The following LAMB1 variants were observed in gnomAD, a reference collection of about 807,000 sequenced individuals.
LAMB1 encodes the protein laminin subunit beta-1.
Under a neutral mutation model 222.3 loss-of-function variants are expected in LAMB1, and 121 were observed. The observed-to-expected ratio is 0.54, with a 90% CI of 0.47 to 0.63. LAMB1 has a LOEUF of 0.63. Ranked by LOEUF, LAMB1 falls within the 30% of genes least tolerant of loss-of-function variation. The probability of loss-of-function intolerance (pLI) is 0.00; values close to 1 mark genes in which losing one functional copy is unlikely to be tolerated. For synonymous variants in LAMB1, 794 were observed against 807.2 expected, an observed-to-expected ratio of 0.98 and a Z score of 0.28; for missense variants, 2,172 against 2,240.8, an observed-to-expected ratio of 0.97 and a Z score of 0.62.
At chr7:107,940,387 T>C in intron 24 of LAMB1, 29 bp from the exon 25 acceptor site, 2 of 1,592,386 alleles carry the variant, frequency 1.3e-6, no homozygotes, top group African/African-American at 1.3e-5. Context: ...TGCTAGCTGA[T>C]CTACTTAATC....
intron 3 of LAMB1, among the ~76,000 whole-genome samples, 155 bp downstream of exon 3, chr7:108,001,403 G>A (rs957780969): frequency 6.6e-6 from 1 of 152,210 alleles, no homozygotes; most frequent in African/African-American, 2.4e-5. Context: ...GAGATGGGGC[G>A]AAAGGTTGAG....
chr7:107,988,467 G>A (rs777107904), intron 5 of LAMB1, among the ~76,000 whole-genome samples: 2 of 152,150 alleles, frequency 1.3e-5, no homozygotes, highest in Non-Finnish European at 2.9e-5. Flanking sequence ...AAAGGAATGG[G>A]TAAGATAAAG....
In LAMB1 at chr7:107,937,263, T is replaced by A. The variant is rs1324519580; in HGVS notation, c.3776A>T (p.Asp1259Val). Residue 1259 changes from aspartate to valine, a missense_variant, in exon 26 of 34, where the codon GAT becomes GTT. Physicochemically the swap from Asp to Val is radical, Grantham distance 152 (BLOSUM62 -3). Coordinates refer to ENST00000222399, the MANE Select transcript of LAMB1 (RefSeq NM_002291.3). ...TACTTGAGCCATCATTTCTGTAACA[T>A]CTTTAATCAGTTTCCTGTAAAGAGA... ...LFEEAEKLIK[D>V]VTEMMAQVEV... is the part of the protein sequence containing the mutation. 6.2e-7 allele frequency: 1 copy of A among 1,613,198 alleles called. No individual in the cohort carries two copies. The highest frequency in any genetic ancestry group is 1.3e-5 in the African/African-American group (1 of 74,916).
intron 3 of LAMB1, among the ~76,000 whole-genome samples, chr7:107,999,176 T>C (rs149214897): frequency 1.5e-4 from 23 of 152,372 alleles, no homozygotes; most frequent in African/African-American, 3.1e-4. Context: ...AGGATGAAGA[T>C]AGACTGTAAG....
At chr7:107,978,189 A>G (rs1398664311) in intron 8 of LAMB1, 22 bp from the exon 9 acceptor site, 1 of 1,612,200 alleles carries the variant, frequency 6.2e-7, no homozygotes, top group Non-Finnish European at 8.5e-7. Flanking sequence ...TAAAAACAGG[A>G]GAGAACAAAG....
At chr7:107,949,011 GT>G (rs1034767479) in intron 24 of LAMB1, among the ~76,000 whole-genome samples, 2 of 152,292 alleles carry the variant, frequency 1.3e-5, no homozygotes, top group Admixed American at 1.3e-4. Flanking sequence ...CTTAGTTTCT[GT>G]TTTTTATCGG....
chr7:107,956,152 C>G (rs2033371629), intron 20 of LAMB1, among the ~76,000 whole-genome samples: 1 of 151,926 alleles, frequency 6.6e-6, no homozygotes, highest in African/African-American at 2.4e-5. Flanking sequence ...CCACCTCAGC[C>G]TCCCAAAGTG....
rs1415976474 is a variant in LAMB1 at position 107,935,214 on chromosome 7, G to A, written c.4188+201C>T. The A allele has an allele frequency of 1.2e-5, 8 of 685,678 alleles. No homozygotes were observed. The African/African-American group carries it at 1.4e-4, about 12-fold the overall frequency. The allele number at this position is 685,678 out of a possible 1,614,324, so 42.5% of individuals were successfully genotyped here. A position where few individuals can be genotyped will look rare whatever the true frequency, so the allele number is the denominator to read the frequency against. On this transcript the variant is annotated intron_variant, in intron 27 of 33. Transcript: ENST00000222399. ...AGAGGGGAAGGCTGGAAACCCATATGCTGCTGCTTTTAATCTGTCTTGGTT... is the reference window on the plus strand; with the variant it reads ...AGAGGGGAAGGCTGGAAACCCATATACTGCTGCTTTTAATCTGTCTTGGTT...
In LAMB1 at chr7:107,940,222, G is replaced by A; in HGVS notation, c.3528C>T (p.Cys1176=). The change falls in exon 25 of 34, where the codon TGC becomes TGT. Residue 1176 remains cysteine, a synonymous_variant. Transcript: ENST00000222399. ...GAGCAAAGCACTGGTGGCAGGGTGT[G>A]CAGTCAGGGAAGACCCCCGAGTACC... ...TRGYSGVFPD[C]TPCHQCFALW... The A allele has an allele frequency of 6.2e-7, 1 of 1,614,212 alleles. No homozygotes were observed. Among genetic ancestry groups the A allele is most frequent in the Non-Finnish European group, 8.5e-7 (1 of 1,180,046 alleles).
Position 107,929,178 on chromosome 7 carries a change from A to T in LAMB1, c.4773T>A (p.Thr1591=), listed in dbSNP as rs747241605. The change falls in exon 31 of 34, where the codon ACT becomes ACA. Residue 1591 remains threonine (T), a synonymous_variant. Transcript: ENST00000222399. ...ASKSATDVKV[T]ADMVKEALEE... ...CCAGAGCTTCCTTTACCATATCTGC[A>T]GTGACTTTAACATCTGTTGCACTTT... 1.2e-6 allele frequency: 2 copies of T among 1,614,044 alleles called. No individual in the cohort carries two copies. Among genetic ancestry groups the T allele is most frequent in the Non-Finnish European group, 1.7e-6 (2 of 1,179,978 alleles).
At chr7:107,935,775 G>A in intron 26 of LAMB1, 119 bp from the exon 27 acceptor site, 4 of 1,155,886 alleles carry the variant, frequency 3.5e-6, no homozygotes, top group Admixed American at 2.4e-5. Context: ...TAAAATTCAA[G>A]AAAAAATATT....
chr7:107,958,462 G>A (rs2033423051), intron 20 of LAMB1, among the ~76,000 whole-genome samples: 2 of 152,184 alleles, frequency 1.3e-5, no homozygotes, highest in South Asian at 4.1e-4. Context: ...ACCACTGACT[G>A]AAGCACTTGC....
Position 107,975,071 on chromosome 7 carries a change from A to G in LAMB1, c.1397T>C (p.Ile466Thr), listed in dbSNP as rs748013843. The G allele has an allele frequency of 3.1e-6, 5 of 1,612,604 alleles. No individual in the cohort carries two copies. The South Asian group carries it at 5.5e-5, about 18-fold the overall frequency. Residue 466 changes from isoleucine to threonine, a missense_variant, in exon 12 of 34, where the codon ATT becomes ACT. Physicochemically the swap from Ile to Thr is moderately conservative, Grantham distance 89. Coordinates refer to ENST00000222399, the MANE Select transcript of LAMB1 (RefSeq NM_002291.3). ...GGAATCACAAGGATTCCCTCCAGGA[A>G]TTGTTCCCAGAGGATTGCAAGCACA... ...KSCACNPLGT[I>T]PGGNPCDSET...
At chr7:107,926,079 A>T in intron 32 of LAMB1, 104 bp downstream of exon 32, 1 of 804,654 alleles carries the variant, frequency 1.2e-6, no homozygotes, top group Non-Finnish European at 2.0e-6. Flanking sequence ...ATTTCTGATG[A>T]ATTCTGTTTC....
At chr7:107,978,883 G>A (rs151041778) in intron 8 of LAMB1, among the ~76,000 whole-genome samples, 40 of 152,210 alleles carry the variant, frequency 2.6e-4, no homozygotes, top group African/African-American at 7.9e-4. Flanking sequence ...AATGAATTAC[G>A]GCCTTTTGGT....
At chr7:107,956,568 T>G (rs1222156264) in intron 20 of LAMB1, among the ~76,000 whole-genome samples, 2 of 152,242 alleles carry the variant, frequency 1.3e-5, no homozygotes, top group African/African-American at 4.8e-5. Context: ...CTGCCTGTCC[T>G]GACCATTCAG....
intron 31 of LAMB1, 33 bp downstream of exon 31, chr7:107,929,031 G>T (rs1170991928): frequency 3.7e-6 from 6 of 1,601,778 alleles, no homozygotes; most frequent in Non-Finnish European, 5.1e-6. Context: ...ATGTAGGTGT[G>T]TTCCCATTCA....
intron 5 of LAMB1, among the ~76,000 whole-genome samples, chr7:107,986,939 C>T (rs181375724): frequency 1.3e-5 from 2 of 152,244 alleles, no homozygotes; most frequent in Admixed American, 1.3e-4. Context: ...AGCAATTCCA[C>T]ATTATTAGGT....
chr7:107,950,612 T>G (rs1391468858), intron 24 of LAMB1, among the ~76,000 whole-genome samples: 1 of 152,354 alleles, frequency 6.6e-6, no homozygotes, highest in South Asian at 2.1e-4. Context: ...CACATTAAAC[T>G]GACTTGGAGC....
Sources: allele counts gnomAD v4.1 joint callset (sites outside exome capture counted in the v4.1 genomes callset), GRCh38; gene constraint gnomAD v4.1.1; transcripts MANE v1.5; gene names NCBI Gene and HGNC (gene_info 2026-07-23, HGNC 2026-07-21).